Variants in WDR64 observed in about 807,000 individuals in gnomAD.
WDR64 encodes the protein WD repeat domain 64.
A neutral mutation model predicts 139.3 loss-of-function variants in WDR64; 112 were observed. The ratio of observed to expected loss-of-function variants is 0.80; its 90% CI spans 0.69 to 0.94. The LOEUF is 0.94. Among genes scored for constraint, WDR64 ranks in the 40% least tolerant of loss-of-function variants. The pLI is 0.00. For missense variants in WDR64, 1,206 were observed against 1,293.1 expected (o/e 0.93, Z 1.03); for synonymous variants, 444 against 437.7 (o/e 1.01, Z -0.18).
At chr1:241,776,294 G>A (rs1658653331) in intron 21 of WDR64, among the ~76,000 whole-genome samples, 1 of 151,994 alleles carries the variant, frequency 6.6e-6, no homozygotes, top group Admixed American at 6.6e-5. Flanking sequence ...GGCCAGGCTG[G>A]TCTTGAACTC....
At chr1:241,776,937 CTCATCT>C (rs1204225201) in intron 21 of WDR64, among the ~76,000 whole-genome samples, 3 of 152,154 alleles carry the variant, frequency 2.0e-5, no homozygotes, top group Non-Finnish European at 4.4e-5. Context: ...CCAATCTATC[CTCATCT>C]ACATTATAAC....
intron 4 of WDR64, among the ~76,000 whole-genome samples, chr1:241,675,036 CTT>C (rs1666442152): frequency 3.6e-5 from 1 of 27,556 alleles, no homozygotes; most frequent in Non-Finnish European, 9.2e-5. Context: ...TCCCTCCCTC[CTT>C]CTTCTTTCCT....
chr1:241,729,048 A>G (rs1239008683), intron 10 of WDR64, among the ~76,000 whole-genome samples: 1 of 152,182 alleles, frequency 6.6e-6, no homozygotes, highest in Non-Finnish European at 1.5e-5. Flanking sequence ...TTTCTACTTC[A>G]AGTCTTCTCT....
intron 27 of WDR64, among the ~76,000 whole-genome samples, chr1:241,797,298 A>T (rs1349855478): frequency 6.6e-6 from 1 of 152,198 alleles, no homozygotes; most frequent in African/African-American, 2.4e-5. Context: ...AAGCTCATTC[A>T]ATGAAACCAT....
At chr1:241,792,127 C>T (rs1413786722) in intron 25 of WDR64, among the ~76,000 whole-genome samples, 1 of 152,198 alleles carries the variant, frequency 6.6e-6, no homozygotes, top group Non-Finnish European at 1.5e-5. Context: ...TTACTGTTTC[C>T]TGAGCATTCC....
intron 2 of WDR64, among the ~76,000 whole-genome samples, chr1:241,667,733 T>C (rs542324662): frequency 9.1e-4 from 139 of 152,290 alleles, no homozygotes; most frequent in African/African-American, 3.2e-3. Context: ...AGCTTGGAAG[T>C]AGATTCTTTC....
chr1:241,778,255 C>T (rs1282820912), intron 21 of WDR64, among the ~76,000 whole-genome samples: 1 of 152,174 alleles, frequency 6.6e-6, no homozygotes, highest in Admixed American at 6.5e-5. Context: ...GTAATGCCCT[C>T]TGTTTATCCC....
rs11419039 is a variant in WDR64, at chr1:241,794,504, G to GTTTT, written c.2998-684_2998-681dup. Among the ~76,000 whole-genome samples the GTTTT allele has an allele frequency of 9.6e-3, 778 of 81,348 alleles. 34 individuals are homozygous for GTTTT. The highest frequency in any genetic ancestry group is 0.018 in the East Asian group (46 of 2,572). The allele number at this position is 81,348 out of a possible 152,430, so 53.4% of individuals were successfully genotyped here. On this transcript the variant is annotated intron_variant, in intron 25 of 27. Transcript: ENST00000437684. The stretch of plus-strand genomic sequence containing the variant: ...TGCCCCACATATTTTAAGCTTTACT[G>GTTTT]TTTTTTTTTTTTTTTTTTTTTTGAG...
At chr1:241,800,325 C>G (rs146079590) in intron 27 of WDR64, among the ~76,000 whole-genome samples, 374 of 152,282 alleles carry the variant, frequency 2.5e-3, no homozygotes, top group African/African-American at 8.7e-3. Context: ...CTCTCTACAT[C>G]TCCTCTTCCC....
At position 241,741,656 on chromosome 1, in the gene WDR64, A is replaced by T. The variant is rs1199959766; in HGVS notation, c.1462A>T (p.Ile488Leu). The T allele has an allele frequency of 1.9e-6, 3 of 1,606,822 alleles. No homozygotes were observed. Among genetic ancestry groups the T allele is most frequent in the Non-Finnish European group, 2.5e-6 (3 of 1,178,462 alleles). Residue 488 changes from isoleucine (I) to leucine (L), a missense_variant, in exon 12 of 28, where the codon ATA becomes TTA. Coordinates refer to ENST00000437684, the MANE Select transcript of WDR64 (RefSeq NM_001367482.1). Reference sequence around the variant, plus strand: ...AGTACTCACTATCTGCTCTGAATCCATAATTAGGGTAAGTACCTATTGGCT... The same window carrying T: ...AGTACTCACTATCTGCTCTGAATCCTTAATTAGGGTAAGTACCTATTGGCT... ...HQVLTICSESIIRVWELETGL... is the reference protein window; with the variant it reads ...HQVLTICSESLIRVWELETGL...
At chr1:241,738,524 T>C in intron 11 of WDR64, 35 bp downstream of exon 11, 1 of 1,577,518 alleles carries the variant, frequency 6.3e-7, no homozygotes, top group Non-Finnish European at 8.6e-7. Flanking sequence ...ACGAAACTCA[T>C]GTCTTGATTT....
intron 27 of WDR64, among the ~76,000 whole-genome samples, chr1:241,800,736 C>T (rs10926579): frequency 0.097 from 14,830 of 152,106 alleles, 884 homozygotes; most frequent in Admixed American, 0.16. Flanking sequence ...GTGAGCCAAC[C>T]GACTCTGATG....
intron 21 of WDR64, among the ~76,000 whole-genome samples, chr1:241,776,756 G>A (rs1658669375): frequency 6.6e-6 from 1 of 152,146 alleles, no homozygotes; most frequent in South Asian, 2.1e-4. Context: ...AGCCTTTTCT[G>A]ACAAATACAG....
At chr1:241,713,496 C>A (rs768479842) in intron 9 of WDR64, among the ~76,000 whole-genome samples, 1 of 98,962 alleles carries the variant, frequency 1.0e-5, no homozygotes, top group Non-Finnish European at 1.8e-5. Context: ...AAAGAAGGAA[C>A]GGAAAGAAAA....
At chr1:241,720,151 G>T (rs1198897382) in intron 9 of WDR64, among the ~76,000 whole-genome samples, 1 of 152,162 alleles carries the variant, frequency 6.6e-6, no homozygotes, top group East Asian at 1.9e-4. Flanking sequence ...TTTTATGGCT[G>T]CACAGTATTT....
intron 20 of WDR64, among the ~76,000 whole-genome samples, chr1:241,774,654 C>A (rs1658580216): frequency 6.6e-6 from 1 of 152,110 alleles, no homozygotes; most frequent in Non-Finnish European, 1.5e-5. Context: ...GCAAATATTT[C>A]TGTTTAAAAC....
intron 13 of WDR64, among the ~76,000 whole-genome samples, chr1:241,746,034 G>A (rs954729617): frequency 6.6e-6 from 1 of 152,142 alleles, no homozygotes; most frequent in African/African-American, 2.4e-5. Context: ...TTCCTATAAT[G>A]CCACAGAGTC....
chr1:241,696,113 C>CAAAAAAAAAAAAAAAAAAAAAAAAAA (rs541301982), intron 8 of WDR64, among the ~76,000 whole-genome samples: 1 of 22,326 alleles, frequency 4.5e-5, no homozygotes, highest in African/African-American at 1.4e-4. Context: ...GACCCAGTAT[C>CAAAAAAAAAAAAAAAAAAAAAAAAAA]AAAAAAAAAA....
intron 3 of WDR64, among the ~76,000 whole-genome samples, chr1:241,671,496 A>C (rs1666226700): frequency 6.6e-6 from 1 of 152,228 alleles, no homozygotes; most frequent in African/African-American, 2.4e-5. Context: ...CTCCAGTAAA[A>C]GAAGTCATGT....
Sources: gnomAD v4.1 joint callset for allele counts (sites outside exome capture counted in the v4.1 genomes callset) on GRCh38, gnomAD v4.1.1 for gene constraint, MANE v1.5 for transcripts, NCBI Gene and HGNC (gene_info 2026-07-23, HGNC 2026-07-21) for gene names.